Variants in GULP1 observed in about 807,000 individuals in gnomAD.
GULP1 encodes the protein GULP PTB domain containing engulfment adaptor 1.
Under a neutral mutation model 40.9 loss-of-function variants are expected in GULP1, and 19 were observed. The observed-to-expected ratio is 0.46, with a 90% CI of 0.32 to 0.68. The LOEUF (loss-of-function observed/expected upper bound fraction) is 0.68, where lower values mean the gene tolerates loss of function less well. Ranked by LOEUF, GULP1 falls within the 30% of genes least tolerant of loss-of-function variation. The pLI, the probability that GULP1 is intolerant of heterozygous loss-of-function variation, is 0.03. For synonymous variants in GULP1, 119 were observed against 117.6 expected (o/e 1.01, Z -0.08); for missense variants, 312 against 362.2 (o/e 0.86, Z 1.12).
chr2:188,425,515 T>C (rs989737348), intron 2 of GULP1, among the ~76,000 whole-genome samples: 1 of 152,276 alleles, frequency 6.6e-6, no homozygotes, highest in Non-Finnish European at 1.5e-5. Flanking sequence ...TCTTTTTTCT[T>C]TAAGATAAAC....
chr2:188,444,051 G>A (rs6761769), intron 2 of GULP1, among the ~76,000 whole-genome samples: 42,763 of 151,736 alleles, frequency 0.28, 7,433 homozygotes, highest in African/African-American at 0.5. Context: ...AGTTCCTAGC[G>A]TCTTCTTCTC....
intron 2 of GULP1, among the ~76,000 whole-genome samples, chr2:188,437,085 G>T (rs533523830): frequency 3.3e-4 from 50 of 152,136 alleles, no homozygotes; most frequent in African/African-American, 1.2e-3. Flanking sequence ...TTTAGTATGT[G>T]AAAACTATCA....
rs1363508123 is a variant in GULP1 at position 188,549,962 on chromosome 2, A to T, written c.399+8644A>T. 2.0e-5 allele frequency among the ~76,000 whole-genome samples: 3 copies of T among 151,736 alleles called. No individual in the cohort carries two copies. The East Asian group carries it at 5.8e-4, about 29-fold the overall frequency. On this transcript the variant is annotated intron_variant, in intron 7 of 11. Coordinates refer to ENST00000409830, the MANE Select transcript of GULP1 (RefSeq NM_016315.4). ...GATGGTGAGGGCAGGCTAGAAGAGG[A>T]TGTGCTTATAAAACAGCAAGATGAA...
At chr2:188,333,502 T>C (rs749930729) in intron 1 of GULP1, among the ~76,000 whole-genome samples, 18 of 152,292 alleles carry the variant, frequency 1.2e-4, no homozygotes, top group Non-Finnish European at 2.5e-4. Flanking sequence ...GTAGTAATTA[T>C]GTACAGCATC....
chr2:188,530,130 T>G (rs1335405994), intron 6 of GULP1, among the ~76,000 whole-genome samples: 4 of 152,150 alleles, frequency 2.6e-5, no homozygotes, highest in Non-Finnish European at 5.9e-5. Context: ...TACTTCCAAA[T>G]TAGTGTTCAG....
intron 1 of GULP1, among the ~76,000 whole-genome samples, chr2:188,362,243 A>G (rs2046196824): frequency 6.6e-6 from 1 of 152,112 alleles, no homozygotes. Context: ...ATAAGGAATT[A>G]TTTGGAGCTT....
intron 2 of GULP1, among the ~76,000 whole-genome samples, chr2:188,433,532 G>A (rs2057112923): frequency 6.6e-6 from 1 of 152,044 alleles, no homozygotes; most frequent in African/African-American, 2.4e-5. Flanking sequence ...CTAAACCAAA[G>A]GACTGTCAAC....
intron 2 of GULP1, among the ~76,000 whole-genome samples, chr2:188,475,753 A>G (rs2060959678): frequency 6.6e-6 from 1 of 152,126 alleles, no homozygotes; most frequent in African/African-American, 2.4e-5. Context: ...ATAAATAACC[A>G]GGTCTGTTAA....
intron 2 of GULP1, among the ~76,000 whole-genome samples, chr2:188,455,395 G>C (rs955487462): frequency 9.2e-5 from 14 of 152,078 alleles, no homozygotes; most frequent in African/African-American, 3.1e-4. Flanking sequence ...TGTGTCATGG[G>C]AATTATGGGG....
intron 2 of GULP1, among the ~76,000 whole-genome samples, chr2:188,400,921 G>T (rs991901794): frequency 2.7e-5 from 3 of 109,326 alleles, no homozygotes; most frequent in African/African-American, 1.2e-4. Context: ...AGAGTGGTGT[G>T]TTTGTGTGTG....
intron 9 of GULP1, among the ~76,000 whole-genome samples, chr2:188,572,155 G>A (rs1372141691): frequency 6.6e-6 from 1 of 152,154 alleles, no homozygotes; most frequent in Non-Finnish European, 1.5e-5. Context: ...ATGACAAGAT[G>A]ACCCTTGCTT....
At chr2:188,509,772 A>G (rs1477230115) in intron 4 of GULP1, among the ~76,000 whole-genome samples, 1 of 152,066 alleles carries the variant, frequency 6.6e-6, no homozygotes, top group Non-Finnish European at 1.5e-5. Context: ...TTTTTGTTGC[A>G]GTTGATTTGG....
At chr2:188,525,560 G>A (rs1429931718) in intron 5 of GULP1, among the ~76,000 whole-genome samples, 2 of 151,998 alleles carry the variant, frequency 1.3e-5, no homozygotes, top group Non-Finnish European at 2.9e-5. Flanking sequence ...AGATGTTGGG[G>A]GCTGAATGTA....
chr2:188,577,731 T>G (rs1256835157), intron 9 of GULP1, among the ~76,000 whole-genome samples: 1 of 152,044 alleles, frequency 6.6e-6, no homozygotes, highest in Non-Finnish European at 1.5e-5. Context: ...ATAAACCAAC[T>G]GCAGACCTAG....
intron 2 of GULP1, among the ~76,000 whole-genome samples, chr2:188,437,177 A>G (rs2057485344): frequency 6.6e-6 from 1 of 152,134 alleles, no homozygotes; most frequent in Non-Finnish European, 1.5e-5. Context: ...AATCTTTCAT[A>G]GAAATGTTAA....
At chr2:188,399,703 A>AAAC (rs1559194941) in intron 2 of GULP1, among the ~76,000 whole-genome samples, 2 of 149,844 alleles carry the variant, frequency 1.3e-5, no homozygotes, top group East Asian at 2.0e-4. Context: ...AAAAAAAAAA[A>AAAC]AAAAAAAAAA....
At chr2:188,349,007 GAAA>G (rs1430427643) in intron 1 of GULP1, among the ~76,000 whole-genome samples, 1 of 152,142 alleles carries the variant, frequency 6.6e-6, no homozygotes, top group East Asian at 1.9e-4. Flanking sequence ...ATTTCAAAAA[GAAA>G]ACTCATTCAC....
intron 11 of GULP1, chr2:188,592,699 A>T (rs1703809658): frequency 1.3e-5 from 2 of 152,092 alleles, no homozygotes; most frequent in South Asian, 4.1e-4. Flanking sequence ...CTTTGTAACT[A>T]CCTTCCTCCT....
intron 1 of GULP1, among the ~76,000 whole-genome samples, chr2:188,363,570 G>T (rs2046361866): frequency 6.6e-6 from 1 of 152,138 alleles, no homozygotes; most frequent in Admixed American, 6.5e-5. Flanking sequence ...GTGTAGGAAT[G>T]AATGAAGTGT....
Sources: allele counts gnomAD v4.1 joint callset (sites outside exome capture counted in the v4.1 genomes callset), GRCh38; gene constraint gnomAD v4.1.1; transcripts MANE v1.5; gene names NCBI Gene and HGNC (gene_info 2026-07-23, HGNC 2026-07-21).